Variants in CEP112 observed in about 807,000 individuals in gnomAD.
CEP112 encodes centrosomal protein of 112 kDa.
In CEP112, 127 loss-of-function variants were observed where a neutral mutation model predicts 153.0. The observed-to-expected ratio is 0.83, with a 90% CI of 0.72 to 0.96. CEP112 has a LOEUF of 0.96. Among genes scored for constraint, CEP112 ranks in the 40% least tolerant of loss-of-function variants. CEP112 has a pLI of 0.00. For missense variants in CEP112, 1,089 were observed against 1,101.2 expected, an observed-to-expected ratio of 0.99 and a Z score of 0.16; for synonymous variants, 358 against 374.4, an observed-to-expected ratio of 0.96 and a Z score of 0.51.
chr17:66,017,478 T>C (rs2064820383), intron 16 of CEP112, among the ~76,000 whole-genome samples: 1 of 152,242 alleles, frequency 6.6e-6, no homozygotes, highest in Non-Finnish European at 1.5e-5. Flanking sequence ...GGACCCAGGA[T>C]AATATCTAGC....
intron 12 of CEP112, among the ~76,000 whole-genome samples, chr17:66,043,836 C>T (rs1236425832): frequency 1.3e-5 from 2 of 152,106 alleles, no homozygotes; most frequent in Non-Finnish European, 2.9e-5. Context: ...TAAGACAACA[C>T]TAGACTCAAC....
chr17:65,691,289 A>T (rs2048095154), intron 23 of CEP112, among the ~76,000 whole-genome samples: 1 of 152,132 alleles, frequency 6.6e-6, no homozygotes, highest in Non-Finnish European at 1.5e-5. Context: ...ATTCCTGCAA[A>T]CACAATGCCA....
At chr17:66,049,342 A>G (rs2066344996) in intron 12 of CEP112, among the ~76,000 whole-genome samples, 1 of 152,238 alleles carries the variant, frequency 6.6e-6, no homozygotes. Context: ...ATATAATAAT[A>G]TTATCACCTA....
chr17:65,865,576 C>A (rs974941679), intron 20 of CEP112, among the ~76,000 whole-genome samples: 6 of 152,196 alleles, frequency 3.9e-5, no homozygotes, highest in African/African-American at 1.4e-4. Flanking sequence ...GGAGCCTCTG[C>A]CACGGCCTCA....
chr17:65,740,013 T>C (rs2145123129), intron 23 of CEP112, among the ~76,000 whole-genome samples: 1 of 152,330 alleles, frequency 6.6e-6, no homozygotes, highest in Admixed American at 6.5e-5. Flanking sequence ...TCATAAATTC[T>C]ACCACTCAGA....
chr17:66,185,047 C>A (rs553484954), intron 1 of CEP112, among the ~76,000 whole-genome samples: 5 of 152,192 alleles, frequency 3.3e-5, no homozygotes, highest in African/African-American at 1.2e-4. Context: ...GCATAAAGAA[C>A]AGATCAGCAG....
chr17:65,672,533 C>G (rs1243547896), intron 24 of CEP112, among the ~76,000 whole-genome samples: 2 of 152,186 alleles, frequency 1.3e-5, no homozygotes, highest in Admixed American at 1.3e-4. Context: ...TAGTACTCTT[C>G]AGAAAGGTTT....
At chr17:66,111,443 G>A (rs867706849) in intron 6 of CEP112, among the ~76,000 whole-genome samples, 9 of 152,198 alleles carry the variant, frequency 5.9e-5, no homozygotes, top group African/African-American at 1.7e-4. Context: ...CAAAGACATC[G>A]AATCAACCTA....
At chr17:65,677,076 A>C (rs904106338) in intron 24 of CEP112, among the ~76,000 whole-genome samples, 4 of 120,044 alleles carry the variant, frequency 3.3e-5, no homozygotes, top group African/African-American at 1.3e-4. Flanking sequence ...GGGCCAAGAC[A>C]AACAGATTGC....
intron 23 of CEP112, among the ~76,000 whole-genome samples, chr17:65,739,812 A>G (rs978029210): frequency 1.8e-4 from 27 of 152,150 alleles, no homozygotes; most frequent in African/African-American, 6.5e-4. Flanking sequence ...CTGTTTTCTA[A>G]AAGACCTTAC....
At position 65,713,848 on chromosome 17, in the gene CEP112, A is replaced by G. The variant is rs561885453; in HGVS notation, c.2608-24630T>C. 3.9e-5 allele frequency among the ~76,000 whole-genome samples: 6 copies of G among 152,214 alleles called. No individual in the cohort carries two copies. The South Asian group carries it at 1.0e-3, about 26-fold the overall frequency. On this transcript the variant is annotated intron_variant, in intron 23 of 26. Coordinates refer to ENST00000535342, the MANE Select transcript of CEP112 (RefSeq NM_001199165.4). ...CGTGATCCGCCCGCCTCGGCCTCCC[A>G]AAGTGCTGGGATTACAGGAGTGAGT...
intron 21 of CEP112, among the ~76,000 whole-genome samples, chr17:65,756,405 CAAAAAAAAAAAAAA>C (rs766476895): frequency 6.6e-5 from 2 of 30,514 alleles, no homozygotes; most frequent in South Asian, 9.8e-4. Context: ...GACTCCGTCT[CAAAAAAAAAAAAAA>C]AAAAAAAAAA....
intron 15 of CEP112, 49 bp downstream of exon 15, chr17:66,028,264 G>T: frequency 8.6e-7 from 1 of 1,160,338 alleles, no homozygotes; most frequent in Non-Finnish European, 1.3e-6. Flanking sequence ...TCTGAATCAA[G>T]AAAACTGTGT....
chr17:65,727,881 G>A (rs1448608094), intron 23 of CEP112, among the ~76,000 whole-genome samples: 1 of 152,168 alleles, frequency 6.6e-6, no homozygotes, highest in African/African-American at 2.4e-5. Flanking sequence ...CAAAGCCCAG[G>A]ACATAGACTC....
intron 8 of CEP112, among the ~76,000 whole-genome samples, chr17:66,078,339 A>C (rs1357511350): frequency 6.7e-6 from 1 of 149,574 alleles, no homozygotes; most frequent in East Asian, 2.0e-4. Flanking sequence ...GCTCACTGCA[A>C]CTCTGCATTC....
intron 21 of CEP112, among the ~76,000 whole-genome samples, chr17:65,801,873 C>G (rs576977228): frequency 6.6e-6 from 1 of 152,136 alleles, no homozygotes; most frequent in Non-Finnish European, 1.5e-5. Flanking sequence ...CCCCTGCCCA[C>G]GGGAAATAAA....
chr17:65,686,520 CAGTCCTCCAGGG>C, intron 24 of CEP112, among the ~76,000 whole-genome samples: 1 of 152,306 alleles, frequency 6.6e-6, no homozygotes, highest in Admixed American at 6.5e-5. Flanking sequence ...AGAGAAGCCC[CAGTCCTCCAGGG>C]AGCACCTTTT....
At chr17:65,836,108 CAAAGT>C (rs199705717) in intron 21 of CEP112, among the ~76,000 whole-genome samples, 1,676 of 152,062 alleles carry the variant, frequency 0.011, 26 homozygotes, top group African/African-American at 0.038. Flanking sequence ...GGCCACAAAG[CAAAGT>C]AAATACACTA....
In CEP112 at chr17:65,689,128, C is replaced by A; in HGVS notation, c.2697+1G>T. ...GAGTCAAATAGTAAAGGAGAGGGTA[C>A]CTGTTCCTGTGACTCCAATTCTTTG... is the stretch of plus-strand genomic sequence containing the variant. On this transcript the variant is annotated splice_donor_variant, in intron 24 of 26. Coordinates refer to ENST00000535342, the MANE Select transcript of CEP112 (RefSeq NM_001199165.4). LOFTEE classifies it high-confidence loss of function. The A allele has an allele frequency of 1.2e-6, 2 of 1,600,488 alleles. No homozygotes were observed. The highest frequency in any genetic ancestry group is 1.1e-5 in the South Asian group (1 of 90,782).
Sources: gnomAD v4.1 joint callset for allele counts (sites outside exome capture counted in the v4.1 genomes callset) on GRCh38, gnomAD v4.1.1 for gene constraint, MANE v1.5 for transcripts, NCBI Gene and HGNC (gene_info 2026-07-23, HGNC 2026-07-21) for gene names.